Variants in ARHGAP22 observed in about 807,000 individuals in gnomAD.
The protein encoded by ARHGAP22 is rho GTPase-activating protein 22.
ARHGAP22 carries 48 observed loss-of-function variants against 59.1 expected under a neutral mutation model. That is an observed-to-expected ratio of 0.81 (90% CI 0.64 to 1.03). The LOEUF is 1.03. Ranked by LOEUF, ARHGAP22 falls within the 50% of genes least tolerant of loss-of-function variation. The probability of loss-of-function intolerance (pLI) is 0.00; values close to 1 mark genes in which losing one functional copy is unlikely to be tolerated. For synonymous variants in ARHGAP22, 445 were observed against 416.4 expected, an observed-to-expected ratio of 1.07 and a Z score of -0.84; for missense variants, 1,015 against 958.7, an observed-to-expected ratio of 1.06 and a Z score of -0.78.
chr10:48,515,889 G>A (rs916663676), intron 3 of ARHGAP22, among the ~76,000 whole-genome samples: 8 of 152,052 alleles, frequency 5.3e-5, no homozygotes, highest in Non-Finnish European at 1.0e-4. Flanking sequence ...GAGTTGGGAC[G>A]TGTAGTCCCA....
the ARHGAP22 span, among the ~76,000 whole-genome samples, chr10:48,432,221 A>G: frequency 6.6e-6 from 1 of 152,342 alleles, no homozygotes; most frequent in East Asian, 1.9e-4. Context: ...TTAATTCCTC[A>G]GAAACTTCTA....
At chr10:48,588,599 C>A (rs1012116426) in intron 1 of ARHGAP22, among the ~76,000 whole-genome samples, 3 of 152,114 alleles carry the variant, frequency 2.0e-5, no homozygotes, top group African/African-American at 7.2e-5. Context: ...AGCTCAGGGC[C>A]CAGAGAGGAG....
intron 2 of ARHGAP22, among the ~76,000 whole-genome samples, chr10:48,581,185 T>C (rs7085667): frequency 0.41 from 61,688 of 152,068 alleles, 13,394 homozygotes; most frequent in Non-Finnish European, 0.49. Context: ...CAGAACTCAC[T>C]TTCCAGAGCT....
Position 48,580,037 on chromosome 10 carries a change from T to G in ARHGAP22, c.234+2916A>C, listed in dbSNP as rs1477233494. Among the ~76,000 whole-genome samples, 3 of 151,520 alleles carry G rather than the reference T, an allele frequency of 2.0e-5. No individual in the cohort carries two copies. The East Asian group carries it at 5.8e-4, about 29-fold the overall frequency. ...CTTTGTTGGGGGAAATGGGAAGAAG[T>G]TTTATTGTCCCAAGAGGAATTGGGA... On this transcript the variant is annotated intron_variant, in intron 2 of 9. Transcript: ENST00000249601.
At chr10:48,608,325 AG>A (rs1182537915), upstream of ARHGAP22, among the ~76,000 whole-genome samples, 2 of 152,206 alleles carry the variant, frequency 1.3e-5, no homozygotes, top group Non-Finnish European at 2.9e-5. Context: ...AAAGGTGTCC[AG>A]TAGAGGGAGG....
At chr10:48,637,517 A>G (rs1235886561) in intron 1 of ARHGAP22, among the ~76,000 whole-genome samples, 1 of 151,846 alleles carries the variant, frequency 6.6e-6, no homozygotes, top group East Asian at 1.9e-4. Context: ...AAATGAGTGG[A>G]TGAATGACTG....
At chr10:48,472,775 T>C (rs1042294687) in intron 4 of ARHGAP22, among the ~76,000 whole-genome samples, 1 of 151,776 alleles carries the variant, frequency 6.6e-6, no homozygotes, top group Non-Finnish European at 1.5e-5. Context: ...CAACACCGTA[T>C]GAACAATGAG....
chr10:48,437,165 C>CA, the ARHGAP22 span: 2 of 152,186 alleles, frequency 1.3e-5, no homozygotes, highest in Admixed American at 1.3e-4. Context: ...TCAAAGAAAA[C>CA]AAACTCTCAT....
chr10:48,488,075 A>G (rs2050026266), intron 3 of ARHGAP22, among the ~76,000 whole-genome samples: 2 of 152,166 alleles, frequency 1.3e-5, no homozygotes, highest in African/African-American at 4.8e-5. Context: ...ATAGTAAACA[A>G]TGTGTCACAA....
intron 3 of ARHGAP22, among the ~76,000 whole-genome samples, chr10:48,530,057 T>C (rs2054674646): frequency 6.6e-6 from 1 of 151,922 alleles, no homozygotes; most frequent in South Asian, 2.1e-4. Flanking sequence ...GCTAACATGG[T>C]GAAACCGCAT....
chr10:48,524,038 G>C, intron 3 of ARHGAP22: 1 of 1,474,232 alleles, frequency 6.8e-7, no homozygotes, highest in Non-Finnish European at 9.0e-7. Context: ...GGGCGCACGT[G>C]CGCGCCGGAG....
At chr10:48,440,196 T>C in the ARHGAP22 span, among the ~76,000 whole-genome samples, 1 of 152,130 alleles carries the variant, frequency 6.6e-6, no homozygotes, top group Non-Finnish European at 1.5e-5. Flanking sequence ...TGATTTGTAG[T>C]GATTTTGTGG....
At chr10:48,449,822 A>T (rs1255078281) in intron 9 of ARHGAP22, among the ~76,000 whole-genome samples, 13 of 152,170 alleles carry the variant, frequency 8.5e-5, no homozygotes, top group Admixed American at 6.5e-4. Context: ...CCATCAAGGA[A>T]GGGGTCCTCA....
chr10:48,457,340 C>A (rs1008602603), intron 5 of ARHGAP22, among the ~76,000 whole-genome samples: 2 of 152,160 alleles, frequency 1.3e-5, no homozygotes, highest in African/African-American at 2.4e-5. Context: ...CCGCAGGGCT[C>A]CTCCCTGAGC....
intron 2 of ARHGAP22, among the ~76,000 whole-genome samples, chr10:48,576,022 G>T (rs545760206): frequency 2.6e-5 from 4 of 152,288 alleles, no homozygotes; most frequent in East Asian, 1.9e-4. Flanking sequence ...GACCCCTATC[G>T]CAGCCCACGA....
chr10:48,588,783 A>G (rs1212904110), intron 1 of ARHGAP22, among the ~76,000 whole-genome samples: 2 of 152,214 alleles, frequency 1.3e-5, no homozygotes, highest in Non-Finnish European at 2.9e-5. Flanking sequence ...GAAGTAAATC[A>G]CAACCACCAC....
chr10:48,555,456 G>A lies in ARHGAP22; in HGVS notation c.322+7C>T. On this transcript the variant is annotated splice_region_variant and intron_variant, in intron 3 of 9. Transcript: ENST00000249601. Reference sequence around the variant, plus strand: ...GGGCTGCAGAGCTGGAAGGTGCTCAGGCCTACCTGGGCTGATCTCAAAGAG... The same window carrying A: ...GGGCTGCAGAGCTGGAAGGTGCTCAAGCCTACCTGGGCTGATCTCAAAGAG... 1 of 1,613,734 alleles carries A rather than the reference G, an allele frequency of 6.2e-7. No individual in the cohort carries two copies. Among genetic ancestry groups the A allele is most frequent in the Non-Finnish European group, 8.5e-7 (1 of 1,179,834 alleles).
chr10:48,451,401 C>G (rs1050238266), intron 8 of ARHGAP22: 2 of 706,794 alleles, frequency 2.8e-6, no homozygotes, highest in South Asian at 3.0e-5. Flanking sequence ...CCTGCGCTCA[C>G]GCCCTCCAGC....
At chr10:48,582,459 T>C (rs1446760613) in intron 2 of ARHGAP22, among the ~76,000 whole-genome samples, 1 of 152,078 alleles carries the variant, frequency 6.6e-6, no homozygotes, top group Non-Finnish European at 1.5e-5. Flanking sequence ...TTAGTGCAAT[T>C]TGGATGAAAG....
Sources: allele counts gnomAD v4.1 joint callset (sites outside exome capture counted in the v4.1 genomes callset), GRCh38; gene constraint gnomAD v4.1.1; transcripts MANE v1.5; gene names NCBI Gene and HGNC (gene_info 2026-07-23, HGNC 2026-07-21).